Variants in ASXL3 observed in about 807,000 individuals in gnomAD.
The protein encoded by ASXL3 is putative Polycomb group protein ASXL3.
A neutral mutation model predicts 170.6 loss-of-function variants in ASXL3; 34 were observed. The observed-to-expected ratio is 0.20, with a 90% CI of 0.15 to 0.27. ASXL3 has a LOEUF of 0.27. Among genes scored for constraint, ASXL3 ranks in the 10% least tolerant of loss-of-function variants. ASXL3 has a pLI of 1.00. For missense variants in ASXL3, 2,592 were observed against 2,695.3 expected (o/e 0.96, Z 0.85); for synonymous variants, 1,002 against 989.1 (o/e 1.01, Z -0.24).
chr18:33,682,897 A>G (rs570371809), intron 7 of ASXL3, among the ~76,000 whole-genome samples: 1 of 152,274 alleles, frequency 6.6e-6, no homozygotes, highest in Admixed American at 6.5e-5. Flanking sequence ...ACCCTCAGAA[A>G]TGCCCTGAAT....
At chr18:33,700,784 C>T (rs2066860346) in intron 8 of ASXL3, among the ~76,000 whole-genome samples, 1 of 152,004 alleles carries the variant, frequency 6.6e-6, no homozygotes, top group East Asian at 1.9e-4. Flanking sequence ...ATCCAAAAGA[C>T]AGGAAGGGCA....
intron 5 of ASXL3, among the ~76,000 whole-genome samples, chr18:33,662,538 T>C (rs2066190471): frequency 6.6e-6 from 1 of 152,212 alleles, no homozygotes; most frequent in South Asian, 2.1e-4. Flanking sequence ...TACTGGCAAA[T>C]GCTAAATTGT....
intron 2 of ASXL3, among the ~76,000 whole-genome samples, chr18:33,633,153 A>G (rs985752044): frequency 2.6e-5 from 4 of 152,168 alleles, no homozygotes; most frequent in Admixed American, 1.3e-4. Context: ...TCCGTCATTA[A>G]CTAGTTACTT....
Position 33,661,630 on chromosome 18 carries a change from G to T in ASXL3, c.370G>T (p.Val124Leu). Residue 124 changes from valine (V) to leucine (L), a missense_variant, in exon 5 of 12, where the codon GTA (valine) becomes TTA (leucine). By Grantham distance (32) the Val-to-Leu change is conservative. This residue lies in a region of ASXL3 where 251 missense variants were observed against 281.9 expected (regional missense o/e 0.89). Coordinates refer to ENST00000269197, the MANE Select transcript of ASXL3 (RefSeq NM_030632.3). ...TCTGTTTCTAGTTTGTTCGAAGCAG[G>T]TAACTGATGAAGCATCTTCCACTCG... is the stretch of plus-strand genomic sequence containing the variant. ...GEENGVCSKQVTDEASSTRDS... is the reference protein window; with the variant it reads ...GEENGVCSKQLTDEASSTRDS... 1 of 1,610,830 alleles carries T rather than the reference G, an allele frequency of 6.2e-7. No individual in the cohort carries two copies. Among genetic ancestry groups the T allele is most frequent in the Non-Finnish European group, 8.5e-7 (1 of 1,178,350 alleles).
At chr18:33,707,934 A>G (rs962474147) in intron 8 of ASXL3, among the ~76,000 whole-genome samples, 2 of 152,108 alleles carry the variant, frequency 1.3e-5, no homozygotes, top group African/African-American at 4.8e-5. Context: ...GTGATAAATG[A>G]CCAATTGTTT....
intron 8 of ASXL3, among the ~76,000 whole-genome samples, chr18:33,704,400 T>C (rs769632028): frequency 6.6e-5 from 10 of 152,112 alleles, no homozygotes; most frequent in Non-Finnish European, 1.0e-4. Flanking sequence ...TTTAAAGTAC[T>C]GTGTCCTCAA....
chr18:33,584,537 T>C (rs576604933), intron 1 of ASXL3, among the ~76,000 whole-genome samples: 2 of 152,276 alleles, frequency 1.3e-5, no homozygotes, highest in Admixed American at 1.3e-4. Flanking sequence ...TTTCTGAATG[T>C]TTTCATTACT....
intron 1 of ASXL3, among the ~76,000 whole-genome samples, chr18:33,586,963 G>A (rs1044725466): frequency 6.6e-6 from 1 of 152,154 alleles, no homozygotes. Flanking sequence ...TCTGTCTTCC[G>A]AGTATAGCTC....
chr18:33,613,222 G>A (rs960271746), intron 2 of ASXL3, among the ~76,000 whole-genome samples: 3 of 152,018 alleles, frequency 2.0e-5, no homozygotes, highest in Non-Finnish European at 4.4e-5. Flanking sequence ...ATGGTTCTGG[G>A]TAGTGTTAGT....
chr18:33,623,866 A>T (rs2065557357), intron 2 of ASXL3, among the ~76,000 whole-genome samples: 1 of 152,152 alleles, frequency 6.6e-6, no homozygotes, highest in Non-Finnish European at 1.5e-5. Flanking sequence ...TATATTAACG[A>T]CTAATGTTGG....
chr18:33,716,148 A>T (rs1338787815), intron 8 of ASXL3, among the ~76,000 whole-genome samples: 1 of 152,306 alleles, frequency 6.6e-6, no homozygotes, highest in East Asian at 1.9e-4. Flanking sequence ...CAATTCAGGG[A>T]TAGAGTGCAA....
At chr18:33,689,787 T>C (rs1213735208) in intron 8 of ASXL3, among the ~76,000 whole-genome samples, 1 of 151,958 alleles carries the variant, frequency 6.6e-6, no homozygotes, top group Non-Finnish European at 1.5e-5. Context: ...AATTAAATAG[T>C]ATTTTGTGAG....
In ASXL3 at chr18:33,584,628, A is replaced by G. The variant is rs189983963; in HGVS notation, c.54+5943A>G. 9.9e-5 allele frequency among the ~76,000 whole-genome samples: 15 copies of G among 152,154 alleles called. No homozygotes were observed. The East Asian group carries it at 2.3e-3, about 23-fold the overall frequency. The stretch of plus-strand genomic sequence containing the variant: ...TTCTTTACCAAATGAGGCAAAGTGA[A>G]AAAAAAATCAGTAAATTATATACAT... On this transcript the variant is annotated intron_variant, in intron 1 of 11. Transcript: ENST00000269197.
intron 8 of ASXL3, among the ~76,000 whole-genome samples, chr18:33,702,909 A>G (rs1469273085): frequency 6.6e-6 from 1 of 152,126 alleles, no homozygotes; most frequent in Admixed American, 6.6e-5. Flanking sequence ...CTTTGATATC[A>G]CACCCAGACC....
intron 8 of ASXL3, among the ~76,000 whole-genome samples, chr18:33,713,265 T>TTTG (rs1568343582): frequency 9.1e-5 from 11 of 121,264 alleles, no homozygotes; most frequent in African/African-American, 3.3e-4. Flanking sequence ...TTTTTTTTTT[T>TTTG]TTTTTTTTTG....
intron 2 of ASXL3, among the ~76,000 whole-genome samples, chr18:33,617,880 C>T (rs1427356200): frequency 1.3e-5 from 2 of 152,222 alleles, no homozygotes; most frequent in South Asian, 2.1e-4. Flanking sequence ...AGGTGAAAAT[C>T]TTTGAGGAGG....
In ASXL3 at chr18:33,739,092, C is replaced by T. The variant is rs753638332; in HGVS notation, c.1688C>T (p.Thr563Ile). 12 of 1,613,418 alleles carry T rather than the reference C, an allele frequency of 7.4e-6. No individual in the cohort carries two copies. Among genetic ancestry groups the T allele is most frequent in the Non-Finnish European group, 1.0e-5 (12 of 1,179,652 alleles). ...VSDTEHKESE[T>I]AVETSTPKIK... ...GACACAGAACATAAGGAGTCAGAAACTGCAGTAGAGACCAGTACCCCCAAA... is the reference window on the plus strand; with the variant it reads ...GACACAGAACATAAGGAGTCAGAAATTGCAGTAGAGACCAGTACCCCCAAA... Residue 563 changes from threonine to isoleucine, a missense_variant, in exon 11 of 12, where the codon ACT becomes ATT. Coordinates refer to ENST00000269197, the MANE Select transcript of ASXL3 (RefSeq NM_030632.3).
At chr18:33,706,516 G>A (rs12455788) in intron 8 of ASXL3, among the ~76,000 whole-genome samples, 81,543 of 151,466 alleles carry the variant, frequency 0.54, 22,383 homozygotes, top group East Asian at 0.87. Flanking sequence ...GCATCCTTAC[G>A]AGGACTGGAT....
intron 8 of ASXL3, among the ~76,000 whole-genome samples, chr18:33,687,703 T>C (rs1249798537): frequency 6.6e-6 from 1 of 152,198 alleles, no homozygotes; most frequent in African/African-American, 2.4e-5. Context: ...CTCATTCTGT[T>C]TTTTAGAGTT....
Sources: gnomAD v4.1 joint callset for allele counts (sites outside exome capture counted in the v4.1 genomes callset) on GRCh38, gnomAD v4.1.1 for gene constraint, gnomAD v4.1.1 regional missense constraint, MANE v1.5 for transcripts, NCBI Gene and HGNC (gene_info 2026-07-23, HGNC 2026-07-21) for gene names.